IGLL5: variants seen among roughly 807,000 people sequenced by gnomAD.
The protein encoded by IGLL5 is immunoglobulin lambda like polypeptide 5, also known as immunoglobulin lambda-like polypeptide 5.
A neutral mutation model predicts 20.9 loss-of-function variants in IGLL5; 30 were observed. The ratio of observed to expected loss-of-function variants is 1.44; its 90% CI spans 1.07 to 1.95. The LOEUF (loss-of-function observed/expected upper bound fraction) is 1.95. Ranked by LOEUF, IGLL5 falls within the 30% of genes most tolerant of loss-of-function variation. The pLI, the probability that IGLL5 is intolerant of heterozygous loss-of-function variation, is 0.00. For missense variants in IGLL5, 475 were observed against 270.7 expected (o/e 1.75, Z -5.30); for synonymous variants, 203 against 117.3 (o/e 1.73, Z -4.72).
intron 1 of IGLL5, among the ~76,000 whole-genome samples, chr22:22,892,371 T>C (rs1339920976): frequency 6.6e-6 from 1 of 151,078 alleles, no homozygotes; most frequent in African/African-American, 2.4e-5. Flanking sequence ...TAAATTGCCT[T>C]GGGGAATAAA....
At chr22:22,894,665 G>C (rs1272191408) in intron 2 of IGLL5, among the ~76,000 whole-genome samples, 3 of 151,320 alleles carry the variant, frequency 2.0e-5, no homozygotes, top group South Asian at 2.1e-4. Flanking sequence ...GTCATCACAG[G>C]CTGCTGGGGT....
chr22:22,894,010 A>T (rs759162780), intron 2 of IGLL5, among the ~76,000 whole-genome samples, 192 bp downstream of exon 2: 6 of 151,498 alleles, frequency 4.0e-5, no homozygotes, highest in East Asian at 4.0e-4. Context: ...CAGTGGGAGC[A>T]GCCGGATGCA....
intron 2 of IGLL5, 34 bp downstream of exon 2, chr22:22,893,852 ACCCTCTGCTGTC>A (rs2067935113): frequency 7.2e-7 from 1 of 1,382,374 alleles, no homozygotes; most frequent in Non-Finnish European, 1.0e-6. Flanking sequence ...AGCCTGTCTC[ACCCTCTGCTGTC>A]CCTGGAAAAT....
intron 1 of IGLL5, among the ~76,000 whole-genome samples, chr22:22,893,182 A>G (rs2067901985): frequency 6.6e-6 from 1 of 151,298 alleles, no homozygotes; most frequent in Admixed American, 6.6e-5. Context: ...ACAGATGAAC[A>G]GATGAATAGC....
At chr22:22,888,834 C>T (rs972273802) in intron 1 of IGLL5, among the ~76,000 whole-genome samples, 4 of 151,306 alleles carry the variant, frequency 2.6e-5, no homozygotes, top group South Asian at 2.1e-4. Context: ...AACAGGCCCA[C>T]GGCCCATGTT....
At chr22:22,893,963 G>C (rs1031556745) in intron 2 of IGLL5, 145 bp downstream of exon 2, 25 of 692,836 alleles carry the variant, frequency 3.6e-5, no homozygotes, top group Middle Eastern at 2.5e-4. Context: ...TGGAGGAGGT[G>C]CATTAGTCTC....
At chr22:22,888,532 A>T in intron 1 of IGLL5, among the ~76,000 whole-genome samples, 1 of 151,404 alleles carries the variant, frequency 6.6e-6, no homozygotes, top group East Asian at 2.0e-4. Context: ...TCAATCACCT[A>T]GTCCTAGTCC....
chr22:22,887,949 T>G lies in IGLL5; in HGVS notation c.-105T>G. On this transcript the variant is annotated 5_prime_UTR_variant, in exon 1 of 3. Transcript: ENST00000526893. ...CAGGGAGAGGACAGAGCCAATGGACTGGGGTGTACTGTAACAGCCCTGCTG... is the reference window on the plus strand; with the variant it reads ...CAGGGAGAGGACAGAGCCAATGGACGGGGGTGTACTGTAACAGCCCTGCTG... The G allele has an allele frequency of 1.1e-6, 1 of 882,452 alleles. No homozygotes were observed. Among genetic ancestry groups the G allele is most frequent in the Non-Finnish European group, 1.9e-6 (1 of 539,596 alleles). 54.7% of individuals were successfully genotyped at this position (882,452 alleles called of 1,614,324 possible).
At chr22:22,888,726 G>C (rs533052890) in intron 1 of IGLL5, among the ~76,000 whole-genome samples, 1 of 151,402 alleles carries the variant, frequency 6.6e-6, no homozygotes, top group East Asian at 2.0e-4. Flanking sequence ...CTCCCCCAAG[G>C]CTGTCTGTTC....
chr22:22,894,712 G>C (rs2066686485), intron 2 of IGLL5, among the ~76,000 whole-genome samples: 3 of 151,478 alleles, frequency 2.0e-5, no homozygotes, highest in African/African-American at 7.3e-5. Flanking sequence ...GTCTGTGGGA[G>C]CAGCCCCAGG....
At chr22:22,894,061 G>A (rs939624442) in intron 2 of IGLL5, among the ~76,000 whole-genome samples, 6 of 151,392 alleles carry the variant, frequency 4.0e-5, no homozygotes, top group African/African-American at 1.5e-4. Context: ...GCAGGGTCAG[G>A]GCTCCTCCTC....
In IGLL5 at chr22:22,887,978, A is replaced by C. The variant is rs2067555960; in HGVS notation, c.-76A>C. The C allele has an allele frequency of 8.4e-7, 1 of 1,185,234 alleles. No individual in the cohort carries two copies. Among genetic ancestry groups the C allele is most frequent in the South Asian group, 1.3e-5 (1 of 76,470 alleles). 73.4% of individuals were successfully genotyped at this position (1,185,234 alleles called of 1,614,324 possible). A position where few individuals can be genotyped will look rare whatever the true frequency, so the allele number is the denominator to read the frequency against. Reference sequence around the variant, plus strand: ...GTGTACTGTAACAGCCCTGCTGGCGAGAGGGACCAGGGCACCGTCCTCCAG... The same window carrying C: ...GTGTACTGTAACAGCCCTGCTGGCGCGAGGGACCAGGGCACCGTCCTCCAG... On this transcript the variant is annotated 5_prime_UTR_variant, in exon 1 of 3. Transcript: ENST00000526893.
chr22:22,889,251 A>G (rs533516000), intron 1 of IGLL5, among the ~76,000 whole-genome samples: 1 of 151,100 alleles, frequency 6.6e-6, no homozygotes, highest in Non-Finnish European at 1.5e-5. Context: ...GATTCAGAGC[A>G]CCCAGGGGCC....
chr22:22,895,780 C>A lies in IGLL5; in HGVS notation c.*86C>A. The A allele has an allele frequency of 8.1e-7, 1 of 1,232,346 alleles. No homozygotes were observed. The highest frequency in any genetic ancestry group is 1.2e-6 in the Non-Finnish European group (1 of 835,106). 76.3% of individuals were successfully genotyped at this position (1,232,346 alleles called of 1,614,324 possible). A position where few individuals can be genotyped will look rare whatever the true frequency, so the allele number is the denominator to read the frequency against. ...TCTCTCCCCATCCCAAGTCATCCAG[C>A]CCTTCTCCCTGCACTCATGAAACCC... On this transcript the variant is annotated 3_prime_UTR_variant, in exon 3 of 3. Transcript: ENST00000526893.
chr22:22,888,484 T>G (rs2067604424), intron 1 of IGLL5, among the ~76,000 whole-genome samples: 1 of 151,370 alleles, frequency 6.6e-6, no homozygotes, highest in African/African-American at 2.4e-5. Context: ...ATTTCTGAGT[T>G]TTCTGGCGCC....
intron 1 of IGLL5, among the ~76,000 whole-genome samples, 170 bp downstream of exon 1, chr22:22,888,429 T>C (rs75472100): frequency 2.6e-5 from 4 of 151,414 alleles, no homozygotes; most frequent in Admixed American, 6.6e-5. Context: ...ACAGATTTGT[T>C]TGAATTACTG....
rs777349722 is a variant in IGLL5 at position 22,888,132 on chromosome 22, C to T, written c.79C>T (p.Leu27=). Residue 27 remains leucine, a synonymous_variant, in exon 1 of 3, where the codon CTG becomes TTG. Coordinates refer to ENST00000526893, the MANE Select transcript of IGLL5 (RefSeq NM_001178126.2). The part of the protein sequence containing the change: ...GPGPRQRWPL[L]LLGLAMVAHG... ...TGGTCCCAGGCAGCGCTGGCCCCTG[C>T]TGCTGCTGGGTCTGGCCATGGTCGC... 2.4e-5 allele frequency: 37 copies of T among 1,549,576 alleles called. No individual in the cohort carries two copies. Among genetic ancestry groups the T allele is most frequent in the East Asian group, 7.4e-5 (3 of 40,690 alleles).
intron 2 of IGLL5, among the ~76,000 whole-genome samples, chr22:22,894,774 C>T (rs542689460): frequency 1.3e-5 from 2 of 151,258 alleles, no homozygotes; most frequent in South Asian, 2.1e-4. Context: ...CAGGAAACAT[C>T]TCAGAGCCTC....
chr22:22,889,918 A>G (rs572004604), intron 1 of IGLL5, among the ~76,000 whole-genome samples: 1 of 151,318 alleles, frequency 6.6e-6, no homozygotes, highest in South Asian at 2.1e-4. Flanking sequence ...TAAAGTATAT[A>G]TGCATTTTCA....
Sources: gnomAD v4.1 joint callset for allele counts (sites outside exome capture counted in the v4.1 genomes callset) on GRCh38, gnomAD v4.1.1 for gene constraint, MANE v1.5 for transcripts, NCBI Gene and HGNC (gene_info 2026-07-23, HGNC 2026-07-21) for gene names.